Variants in CSMD1 observed in about 807,000 individuals in gnomAD.
CSMD1 encodes CUB and sushi domain-containing protein 1.
CSMD1 carries 213 observed loss-of-function variants against 417.5 expected under a neutral mutation model. The ratio of observed to expected loss-of-function variants is 0.51; its 90% CI spans 0.46 to 0.57. CSMD1 has a LOEUF of 0.57. Ranked by LOEUF, CSMD1 falls within the 20% of genes least tolerant of loss-of-function variation. The probability of loss-of-function intolerance (pLI) is 0.00; values close to 1 mark genes in which losing one functional copy is unlikely to be tolerated. For missense variants in CSMD1, 6,923 were observed against 4,529.7 expected, an observed-to-expected ratio of 1.53 and a Z score of -15.17; for synonymous variants, 2,862 against 1,736.8, an observed-to-expected ratio of 1.65 and a Z score of -16.11.
intron 7 of CSMD1, among the ~76,000 whole-genome samples, chr8:3,681,991 T>G (rs541566381): frequency 2.6e-4 from 40 of 152,242 alleles, no homozygotes. Context: ...TAGCCATATG[T>G]AGAAAGGTGA....
At chr8:3,633,410 C>T (rs1796878444) in intron 7 of CSMD1, among the ~76,000 whole-genome samples, 1 of 152,204 alleles carries the variant, frequency 6.6e-6, no homozygotes, top group Non-Finnish European at 1.5e-5. Flanking sequence ...CAAGACTTCA[C>T]AGTGAATGGT....
intron 1 of CSMD1, among the ~76,000 whole-genome samples, chr8:4,950,993 CAAACA>C (rs1288487592): frequency 8.0e-5 from 12 of 150,926 alleles, no homozygotes; most frequent in African/African-American, 1.7e-4. Context: ...CAAAAACAAA[CAAACA>C]AAAAAAATTA....
At chr8:4,756,912 G>A (rs554257572) in intron 1 of CSMD1, among the ~76,000 whole-genome samples, 5 of 152,192 alleles carry the variant, frequency 3.3e-5, no homozygotes, top group African/African-American at 7.2e-5. Context: ...TCCTTTAACC[G>A]GAAACAGCTG....
chr8:4,145,311 C>T (rs1347807056), intron 3 of CSMD1, among the ~76,000 whole-genome samples: 2 of 151,054 alleles, frequency 1.3e-5, no homozygotes, highest in Non-Finnish European at 2.9e-5. Flanking sequence ...CTTTATGGTA[C>T]TCACCATTTT....
intron 38 of CSMD1, among the ~76,000 whole-genome samples, chr8:3,161,103 G>A (rs144370247): frequency 5.3e-5 from 8 of 152,094 alleles, no homozygotes; most frequent in East Asian, 1.9e-4. Context: ...AATGTCAATC[G>A]ACCTATATAT....
intron 2 of CSMD1, among the ~76,000 whole-genome samples, chr8:4,518,998 A>G (rs1351247942): frequency 2.6e-5 from 4 of 152,102 alleles, no homozygotes; most frequent in African/African-American, 7.2e-5. Flanking sequence ...CTTTTGCTGC[A>G]CTACAGTATA....
At chr8:3,998,538 T>C (rs2130344803) in intron 4 of CSMD1, among the ~76,000 whole-genome samples, 1 of 152,312 alleles carries the variant, frequency 6.6e-6, no homozygotes, top group East Asian at 1.9e-4. Flanking sequence ...TTAAAAGAAA[T>C]GGTTGTCTTA....
chr8:4,290,883 A>G (rs370867982), intron 3 of CSMD1, among the ~76,000 whole-genome samples: 6 of 152,184 alleles, frequency 3.9e-5, no homozygotes, highest in Admixed American at 6.5e-5. Context: ...CATCCTTTAC[A>G]ATGTCAGCTC....
chr8:3,217,768 T>A (rs574974803), intron 29 of CSMD1, among the ~76,000 whole-genome samples: 3 of 152,158 alleles, frequency 2.0e-5, no homozygotes, highest in African/African-American at 7.2e-5. Context: ...GATTCTGATG[T>A]TTGGGAGCAA....
intron 2 of CSMD1, among the ~76,000 whole-genome samples, chr8:4,492,200 C>G (rs558485766): frequency 1.3e-5 from 2 of 152,280 alleles, no homozygotes; most frequent in Admixed American, 1.3e-4. Flanking sequence ...AGGGATCTGC[C>G]CACCTCAGCC....
intron 1 of CSMD1, among the ~76,000 whole-genome samples, chr8:4,940,257 G>T (rs954099423): frequency 9.9e-5 from 15 of 152,168 alleles, no homozygotes; most frequent in Non-Finnish European, 2.1e-4. Flanking sequence ...AATAGTGTGA[G>T]CAGTTAACAG....
intron 7 of CSMD1, among the ~76,000 whole-genome samples, chr8:3,703,048 A>G (rs1800955828): frequency 6.6e-6 from 1 of 152,186 alleles, no homozygotes; most frequent in South Asian, 2.1e-4. Context: ...AGAGCATATA[A>G]ACCACGTAAT....
intron 3 of CSMD1, among the ~76,000 whole-genome samples, chr8:4,234,749 G>A (rs1220036323): frequency 6.6e-6 from 1 of 152,146 alleles, no homozygotes; most frequent in Admixed American, 6.5e-5. Context: ...TGGAGTCGTG[G>A]CTGCTCCCAG....
intron 3 of CSMD1, among the ~76,000 whole-genome samples, chr8:4,151,575 A>G (rs973618503): frequency 6.6e-6 from 1 of 152,216 alleles, no homozygotes; most frequent in African/African-American, 2.4e-5. Flanking sequence ...GGGAATTAAA[A>G]TGTTATCCTT....
At chr8:2,961,996 C>G (rs976417994) in intron 61 of CSMD1, among the ~76,000 whole-genome samples, 2 of 152,060 alleles carry the variant, frequency 1.3e-5, no homozygotes, top group African/African-American at 4.8e-5. Flanking sequence ...ATAATCAAGA[C>G]TAAGTATTAC....
At chr8:3,960,380 G>T (rs1812242103) in intron 5 of CSMD1, among the ~76,000 whole-genome samples, 2 of 152,066 alleles carry the variant, frequency 1.3e-5, no homozygotes, top group African/African-American at 4.8e-5. Context: ...TTAAAAGCAT[G>T]GCGTGAATGT....
At chr8:4,452,754 A>G (rs780495697) in intron 2 of CSMD1, among the ~76,000 whole-genome samples, 7 of 152,272 alleles carry the variant, frequency 4.6e-5, no homozygotes, top group South Asian at 2.1e-4. Flanking sequence ...ATCTTTCAAC[A>G]TATCATCCAA....
chr8:4,483,946 T>TGTC (rs1801235069), intron 2 of CSMD1, among the ~76,000 whole-genome samples: 1 of 152,182 alleles, frequency 6.6e-6, no homozygotes, highest in Admixed American at 6.5e-5. Context: ...ATAATGTCGT[T>TGTC]GTCTCTCATT....
Position 4,372,421 on chromosome 8 carries a change from A to C in CSMD1, c.415+47532T>G, listed in dbSNP as rs74785877. On this transcript the variant is annotated intron_variant, in intron 3 of 69. Coordinates refer to ENST00000635120, the MANE Select transcript of CSMD1 (RefSeq NM_033225.6). ...TAATCATTTCATCTGTATTTGACAT[A>C]TATTTTTGTATACCATGAATTAGTG... Among the ~76,000 whole-genome samples, 505 of 152,250 alleles carry C rather than the reference A, an allele frequency of 3.3e-3. 25 individuals carry two copies. In the East Asian group the frequency reaches 0.084, roughly 25 times the overall value.
Sources: allele counts gnomAD v4.1 joint callset (sites outside exome capture counted in the v4.1 genomes callset), GRCh38; gene constraint gnomAD v4.1.1; transcripts MANE v1.5; gene names NCBI Gene and HGNC (gene_info 2026-07-23, HGNC 2026-07-21).